UMPS: variants seen among roughly 807,000 people sequenced by gnomAD.
UMPS encodes uridine monophosphate synthetase, also known as uridine 5'-monophosphate synthase.
A neutral mutation model predicts 38.9 loss-of-function variants in UMPS; 21 were observed. That is an observed-to-expected ratio of 0.54 (90% CI 0.38 to 0.78). The LOEUF (loss-of-function observed/expected upper bound fraction) is 0.78, where lower values mean the gene tolerates loss of function less well. UMPS is among the 30% of genes least tolerant of loss of function. The pLI is 0.00. For synonymous variants in UMPS, 208 were observed against 219.3 expected (o/e 0.95, Z 0.45); for missense variants, 533 against 591.6 (o/e 0.90, Z 1.03).
At chr3:124,743,499 G>T (rs11719616) in intron 5 of UMPS, among the ~76,000 whole-genome samples, 2 of 151,576 alleles carry the variant, frequency 1.3e-5, no homozygotes, top group Middle Eastern at 3.4e-3. Flanking sequence ...TTAGCCAGGC[G>T]TGGTGGCAGG....
rs143828400 is a variant in UMPS at position 124,730,597 on chromosome 3, C to T, written c.126C>T (p.Gly42=). Residue 42 remains glycine, a synonymous_variant, in exon 1 of 6, where the codon GGC becomes GGT. Coordinates refer to ENST00000232607, the MANE Select transcript of UMPS (RefSeq NM_000373.4). ...CCCCCATCTACATCGATCTGCGGGGCATCGTGTCTCGACCGCGTCTTCTGA... is the reference window on the plus strand; with the variant it reads ...CCCCCATCTACATCGATCTGCGGGGTATCGTGTCTCGACCGCGTCTTCTGA... ...LSSPIYIDLR[G]IVSRPRLLSQ... 2 of 1,612,234 alleles carry T rather than the reference C, an allele frequency of 1.2e-6. No homozygotes were observed. Among genetic ancestry groups the T allele is most frequent in the Non-Finnish European group, 1.7e-6 (2 of 1,178,452 alleles).
At position 124,740,008 on chromosome 3, in the gene UMPS, TC is replaced by T. The variant is rs748743048; in HGVS notation, c.983-11del. 2.5e-6 allele frequency: 4 copies of T among 1,613,948 alleles called. No homozygotes were observed. The South Asian group carries it at 3.3e-5, about 13-fold the overall frequency. On this transcript the variant is annotated splice_polypyrimidine_tract_variant and intron_variant, in intron 3 of 5. Transcript: ENST00000232607. Reference sequence around the variant, plus strand: ...TTTGAAAATCAGCAAATATCTTTTTTCCCCCTTCTTCTTAGGAGGTATCTTT... The same window carrying T: ...TTTGAAAATCAGCAAATATCTTTTTTCCCCTTCTTCTTAGGAGGTATCTTT...
chr3:124,743,617 G>T (rs1337356070), intron 5 of UMPS, among the ~76,000 whole-genome samples: 1 of 151,964 alleles, frequency 6.6e-6, no homozygotes, highest in Non-Finnish European at 1.5e-5. Context: ...CAGCCTGGGT[G>T]ACAGAGCGAG....
At chr3:124,742,498 A>G (rs926255437) in intron 5 of UMPS, 2 of 558,022 alleles carry the variant, frequency 3.6e-6, no homozygotes, top group Admixed American at 3.1e-5. Flanking sequence ...TAAGGTAATC[A>G]AGATGCTTTA....
chr3:124,748,015 A>G lies in UMPS; in HGVS notation c.*3931A>G, dbSNP rs1012277923. The G allele has an allele frequency of 6.6e-6, 3 of 451,174 alleles. No individual in the cohort carries two copies. The highest frequency in any genetic ancestry group is 6.0e-5 in the African/African-American group (3 of 49,960). 27.9% of individuals were successfully genotyped at this position (451,174 alleles called of 1,614,324 possible). On this transcript the variant is annotated 3_prime_UTR_variant, in exon 6 of 6. Coordinates refer to ENST00000232607, the MANE Select transcript of UMPS (RefSeq NM_000373.4). ...GCATTCCTTTTTGAAGGAATCTGATACTAAACACAAAGCATGAGAAAAATC... is the reference window on the plus strand; with the variant it reads ...GCATTCCTTTTTGAAGGAATCTGATGCTAAACACAAAGCATGAGAAAAATC...
At position 124,749,146 on chromosome 3, in the gene UMPS, C is replaced by T. The variant is rs1268164805; in HGVS notation, c.*5062C>T. On this transcript the variant is annotated 3_prime_UTR_variant, in exon 6 of 6. Coordinates refer to ENST00000232607, the MANE Select transcript of UMPS (RefSeq NM_000373.4). Reference sequence around the variant, plus strand: ...ACATGCTGTCCTTGTTTACCTGGAACCTAGCAATGTTGTTTTCTGCCACAA... The same window carrying T: ...ACATGCTGTCCTTGTTTACCTGGAATCTAGCAATGTTGTTTTCTGCCACAA... The T allele has an allele frequency of 2.2e-6, 1 of 453,990 alleles. No individual in the cohort carries two copies. Among genetic ancestry groups the T allele is most frequent in the Non-Finnish European group, 4.4e-6 (1 of 226,774 alleles). 28.1% of individuals were successfully genotyped at this position (453,990 alleles called of 1,614,324 possible).
chr3:124,745,535 T>G lies in UMPS; in HGVS notation c.*1451T>G. On this transcript the variant is annotated 3_prime_UTR_variant, in exon 6 of 6. Transcript: ENST00000232607. Reference sequence around the variant, plus strand: ...TAGGATTTTTAACTCAGGTTTTTATTATATTCCCTCCTGAAGTTTTTACTT... The same window carrying G: ...TAGGATTTTTAACTCAGGTTTTTATGATATTCCCTCCTGAAGTTTTTACTT... 1 of 454,044 alleles carries G rather than the reference T, an allele frequency of 2.2e-6. No individual in the cohort carries two copies. Among genetic ancestry groups the G allele is most frequent in the Non-Finnish European group, 4.4e-6 (1 of 226,780 alleles). 28.1% of individuals were successfully genotyped at this position (454,044 alleles called of 1,614,324 possible).
chr3:124,733,866 T>C (rs192912547), intron 1 of UMPS: 4 of 152,216 alleles, frequency 2.6e-5, no homozygotes, highest in African/African-American at 9.7e-5. Flanking sequence ...TACATACATA[T>C]AGACAAGTAT....
At chr3:124,735,301 T>G in intron 2 of UMPS, 55 bp downstream of exon 2, 2 of 1,532,674 alleles carry the variant, frequency 1.3e-6, no homozygotes, top group Non-Finnish European at 1.8e-6. Flanking sequence ...CATCATACTC[T>G]TAGAATTTTT....
At chr3:124,738,289 T>G (rs1406191514) in intron 3 of UMPS, 50 bp downstream of exon 3, 1 of 1,586,458 alleles carries the variant, frequency 6.3e-7, no homozygotes. Context: ...CAGCTTAAAC[T>G]GAAGAAGAAA....
At chr3:124,731,524 C>G (rs2063477005) in intron 1 of UMPS, 1 of 436,766 alleles carries the variant, frequency 2.3e-6, no homozygotes, top group South Asian at 1.7e-5. Context: ...TCTCTTACGT[C>G]ACCCAGGCTG....
At position 124,747,106 on chromosome 3, in the gene UMPS, T is replaced by A. The variant is rs771098637; in HGVS notation, c.*3022T>A. On this transcript the variant is annotated 3_prime_UTR_variant, in exon 6 of 6. Coordinates refer to ENST00000232607, the MANE Select transcript of UMPS (RefSeq NM_000373.4). ...CTTGACTTGGGCTCAAGCGATCCGCTCAAGTAGCTGGAACTACTCTCAAGT... is the reference window on the plus strand; with the variant it reads ...CTTGACTTGGGCTCAAGCGATCCGCACAAGTAGCTGGAACTACTCTCAAGT... The A allele has an allele frequency of 2.2e-6, 1 of 453,768 alleles. No individual in the cohort carries two copies. The highest frequency in any genetic ancestry group is 4.4e-6 in the Non-Finnish European group (1 of 226,690). The allele number at this position is 453,768 out of a possible 1,614,324, so 28.1% of individuals were successfully genotyped here.
chr3:124,745,835 G>A lies in UMPS; in HGVS notation c.*1751G>A, dbSNP rs775932243. On this transcript the variant is annotated 3_prime_UTR_variant, in exon 6 of 6. Transcript: ENST00000232607. ...GGAGTGATGTGCTGAGGTCTCAGGC[G>A]CCCACCTCCCTGGCTGTCACTTCCA... The A allele has an allele frequency of 5.5e-5, 25 of 453,932 alleles. 1 individual carries two copies. The highest frequency in any genetic ancestry group is 2.1e-4 in the Admixed American group (9 of 42,550). 28.1% of individuals were successfully genotyped at this position (453,932 alleles called of 1,614,324 possible). A position where few individuals can be genotyped will look rare whatever the true frequency, so the allele number is the denominator to read the frequency against.
rs1339214173 is a variant in UMPS, at chr3:124,742,450, TTGTC to T, written c.1273+188_1273+191del. On this transcript the variant is annotated intron_variant, in intron 5 of 5. Transcript: ENST00000232607. Reference sequence around the variant, plus strand: ...AGTCAGTTTACTTCTTTTAGTCTAATTGTCTGTAAAATGGGGATGATAACAGTAT... The same window carrying T: ...AGTCAGTTTACTTCTTTTAGTCTAATTGTAAAATGGGGATGATAACAGTAT... 29 of 611,628 alleles carry T rather than the reference TTGTC, an allele frequency of 4.7e-5. 1 individual carries two copies. The Admixed American group carries it at 8.4e-4, about 18-fold the overall frequency. 37.9% of individuals were successfully genotyped at this position (611,628 alleles called of 1,614,324 possible). A position where few individuals can be genotyped will look rare whatever the true frequency, so the allele number is the denominator to read the frequency against.
chr3:124,741,537 C>T (rs917854768), intron 4 of UMPS, among the ~76,000 whole-genome samples: 22 of 152,136 alleles, frequency 1.4e-4, no homozygotes, highest in Admixed American at 1.1e-3. Context: ...CTCTTGAAAG[C>T]GTAGCTGTTC....
Position 124,748,100 on chromosome 3 carries a change from T to C in UMPS, c.*4016T>C, listed in dbSNP as rs77601301. On this transcript the variant is annotated 3_prime_UTR_variant, in exon 6 of 6. Transcript: ENST00000232607. ...TTTTAACAGTTATATATATTAGATATAATATATAATAGTATATATAAATAA... is the reference window on the plus strand; with the variant it reads ...TTTTAACAGTTATATATATTAGATACAATATATAATAGTATATATAAATAA... 4.2e-4 allele frequency: 108 copies of C among 255,518 alleles called. 3 individuals are homozygous for C. The East Asian group carries it at 0.012, about 28-fold the overall frequency. 15.8% of individuals were successfully genotyped at this position (255,518 alleles called of 1,614,324 possible). A position where few individuals can be genotyped will look rare whatever the true frequency, so the allele number is the denominator to read the frequency against.
In UMPS at chr3:124,744,066, G is replaced by C. The variant is rs1372553460; in HGVS notation, c.1425G>C (p.Leu475Phe). ...MYRKAAWEAY[L>F]SRLGV is the part of the protein sequence containing the mutation. ...GAAAAGCTGCTTGGGAAGCGTATTT[G>C]AGTAGACTTGGTGTTTGAGTGCTTC... The change falls in exon 6 of 6, where the codon TTG becomes TTC. Residue 475 changes from leucine to phenylalanine, a missense_variant. Physicochemically the swap from Leu to Phe is conservative, Grantham distance 22 (BLOSUM62 0). Transcript: ENST00000232607. 1 of 1,614,104 alleles carries C rather than the reference G, an allele frequency of 6.2e-7. No homozygotes were observed. Among genetic ancestry groups the C allele is most frequent in the Non-Finnish European group, 8.5e-7 (1 of 1,179,970 alleles).
At position 124,745,902 on chromosome 3, in the gene UMPS, C is replaced by T. The variant is rs2063592942; in HGVS notation, c.*1818C>T. The T allele has an allele frequency of 2.2e-6, 1 of 453,970 alleles. No homozygotes were observed. The highest frequency in any genetic ancestry group is 2.3e-5 in the Admixed American group (1 of 42,554). The allele number at this position is 453,970 out of a possible 1,614,324, so 28.1% of individuals were successfully genotyped here. A position where few individuals can be genotyped will look rare whatever the true frequency, so the allele number is the denominator to read the frequency against. ...CCACTTTAGCAGGTATCAGAGTCACCTGGAGTCTTGTCAAAACAGGTACCA... is the reference window on the plus strand; with the variant it reads ...CCACTTTAGCAGGTATCAGAGTCACTTGGAGTCTTGTCAAAACAGGTACCA... On this transcript the variant is annotated 3_prime_UTR_variant, in exon 6 of 6. Transcript: ENST00000232607.
In UMPS at chr3:124,745,055, T is replaced by C. The variant is rs1442219880; in HGVS notation, c.*971T>C. ...ACCAGTAGTAACACAAGTGACAGCT[T>C]CCTGTGACTGACTTCACAATTAGGA... On this transcript the variant is annotated 3_prime_UTR_variant, in exon 6 of 6. Transcript: ENST00000232607. 1.8e-5 allele frequency: 8 copies of C among 454,032 alleles called. No individual in the cohort carries two copies. Among genetic ancestry groups the C allele is most frequent in the Non-Finnish European group, 3.5e-5 (8 of 226,808 alleles). 28.1% of individuals were successfully genotyped at this position (454,032 alleles called of 1,614,324 possible). A position where few individuals can be genotyped will look rare whatever the true frequency, so the allele number is the denominator to read the frequency against.
Sources: gnomAD v4.1 joint callset for allele counts (sites outside exome capture counted in the v4.1 genomes callset) on GRCh38, gnomAD v4.1.1 for gene constraint, MANE v1.5 for transcripts, NCBI Gene and HGNC (gene_info 2026-07-23, HGNC 2026-07-21) for gene names.